AP2A1: variants seen among roughly 807,000 people sequenced by gnomAD.
AP2A1 encodes AP-2 complex subunit alpha-1.
In AP2A1, 21 loss-of-function variants were observed where a neutral mutation model predicts 107.3. The ratio of observed to expected loss-of-function variants is 0.20; its 90% CI spans 0.14 to 0.28. The LOEUF (loss-of-function observed/expected upper bound fraction) is 0.28, where lower values mean the gene tolerates loss of function less well. AP2A1 is among the 10% of genes least tolerant of loss of function. The pLI, the probability that AP2A1 is intolerant of heterozygous loss-of-function variation, is 1.00. For missense variants in AP2A1, 873 were observed against 1,307.7 expected, an observed-to-expected ratio of 0.67 and a Z score of 5.13; for synonymous variants, 602 against 564.8, an observed-to-expected ratio of 1.07 and a Z score of -0.93.
intron 18 of AP2A1, 76 bp downstream of exon 18, chr19:49,803,452 A>G (rs1282203829): frequency 1.7e-6 from 2 of 1,192,514 alleles, no homozygotes; most frequent in Admixed American, 1.8e-5. Context: ...CGGCTGACCC[A>G]GGTCCACACT....
At position 49,795,662 on chromosome 19, in the gene AP2A1, C is replaced by A; in HGVS notation, c.738C>A (p.Asp246Glu). ...CCTCTGCCTCCACCGACCTCCAGGA[C>A]TACACCTACTACTTCGTCCCAGCAC... ...IVSSASTDLQ[D>E]YTYYFVPAPW... The change falls in exon 7 of 23, where the codon GAC becomes GAA. Residue 246 changes from aspartate (D) to glutamate (E), a missense_variant. Asp to Glu is a conservative substitution (Grantham distance 45). This residue lies in a region of AP2A1 where 157 missense variants were observed against 212.6 expected (regional missense o/e 0.74). Transcript: ENST00000354293. The A allele has an allele frequency of 6.4e-7, 1 of 1,573,528 alleles. No individual in the cohort carries two copies. Among genetic ancestry groups the A allele is most frequent in the Non-Finnish European group, 8.6e-7 (1 of 1,160,236 alleles).
intron 1 of AP2A1, among the ~76,000 whole-genome samples, chr19:49,776,973 T>C (rs1296313079): frequency 3.3e-5 from 5 of 152,044 alleles, no homozygotes; most frequent in African/African-American, 1.2e-4. Flanking sequence ...CCTGTAATCC[T>C]AGCACTTTAC....
chr19:49,803,221 G>T (rs1178571058), intron 17 of AP2A1, 32 bp downstream of exon 17: 10 of 1,613,694 alleles, frequency 6.2e-6, no homozygotes, highest in Non-Finnish European at 8.5e-6. Flanking sequence ...GAATGGGTCG[G>T]AGGGAGACCT....
At chr19:49,778,542 C>T (rs1035016141) in intron 1 of AP2A1, among the ~76,000 whole-genome samples, 1 of 152,108 alleles carries the variant, frequency 6.6e-6, no homozygotes, top group Non-Finnish European at 1.5e-5. Flanking sequence ...GAGATCACGC[C>T]ATTGCTCTCC....
At chr19:49,779,012 A>G (rs1406047572) in intron 1 of AP2A1, among the ~76,000 whole-genome samples, 7 of 149,288 alleles carry the variant, frequency 4.7e-5, no homozygotes, top group Non-Finnish European at 3.0e-5. Flanking sequence ...CCTGGGCAAC[A>G]TAGTAAGACC....
chr19:49,772,746 C>G (rs573009627), intron 1 of AP2A1, among the ~76,000 whole-genome samples: 2 of 150,482 alleles, frequency 1.3e-5, no homozygotes. Context: ...GTGATCCGCC[C>G]GTCTCGGCCT....
At chr19:49,779,684 C>T (rs983574366) in intron 1 of AP2A1, among the ~76,000 whole-genome samples, 1 of 152,222 alleles carries the variant, frequency 6.6e-6, no homozygotes, top group Non-Finnish European at 1.5e-5. Flanking sequence ...AAGCCATCCT[C>T]CTGCCTCACA....
chr19:49,804,782 A>G (rs910355112), intron 18 of AP2A1: 3 of 152,210 alleles, frequency 2.0e-5, no homozygotes, highest in African/African-American at 7.2e-5. Context: ...AGGCCTCGCT[A>G]TGTTGCCCAG....
intron 19 of AP2A1, 22 bp downstream of exon 19, chr19:49,805,598 C>T: frequency 1.3e-6 from 2 of 1,561,054 alleles, no homozygotes; most frequent in Non-Finnish European, 1.7e-6. Flanking sequence ...ACGGCGCGGC[C>T]GGTGGGCGGA....
At chr19:49,782,821 C>T (rs888295760) in intron 4 of AP2A1, 97 bp downstream of exon 4, 4 of 1,371,320 alleles carry the variant, frequency 2.9e-6, no homozygotes, top group Middle Eastern at 2.3e-4. Context: ...TGCCCAAGGT[C>T]TCCCAGCCGA....
rs570393920 is a variant in AP2A1, at chr19:49,775,180, A to G, written c.68-6577A>G. On this transcript the variant is annotated intron_variant, in intron 1 of 22. Coordinates refer to ENST00000354293, the MANE Select transcript of AP2A1 (RefSeq NM_130787.3). Reference sequence around the variant, plus strand: ...GAGGTCGAGGTTGCAATGAGTCAAGATCGCACCACCACACTCCAGCCTGGA... The same window carrying G: ...GAGGTCGAGGTTGCAATGAGTCAAGGTCGCACCACCACACTCCAGCCTGGA... 1.6e-3 allele frequency among the ~76,000 whole-genome samples: 244 copies of G among 152,278 alleles called. 2 individuals carry two copies. The highest frequency in any genetic ancestry group is 5.6e-3 in the African/African-American group (231 of 41,566).
intron 18 of AP2A1, chr19:49,804,191 G>A (rs542391399): frequency 6.6e-6 from 1 of 152,084 alleles, no homozygotes; most frequent in South Asian, 2.1e-4. Context: ...AGCCGAGATT[G>A]TACCACTACA....
chr19:49,800,322 A>G (rs1047941606), intron 11 of AP2A1, among the ~76,000 whole-genome samples, 172 bp downstream of exon 11: 3 of 152,038 alleles, frequency 2.0e-5, no homozygotes, highest in African/African-American at 7.2e-5. Flanking sequence ...ACCCAGGGCT[A>G]TGGTCTCATG....
chr19:49,774,054 C>A (rs1568573736), intron 1 of AP2A1, among the ~76,000 whole-genome samples: 1 of 152,144 alleles, frequency 6.6e-6, no homozygotes, highest in Non-Finnish European at 1.5e-5. Flanking sequence ...TGGGGTCTGA[C>A]TCAAGTTTTC....
chr19:49,803,042 A>T, intron 16 of AP2A1, 37 bp downstream of exon 16: 1 of 1,613,720 alleles, frequency 6.2e-7, no homozygotes, highest in Non-Finnish European at 8.5e-7. Flanking sequence ...GGAACGGGAC[A>T]GGTGCGGAGC....
At position 49,801,300 on chromosome 19, in the gene AP2A1, G is replaced by T. The variant is rs532940179; in HGVS notation, c.1554-90G>T. On this transcript the variant is annotated intron_variant, in intron 12 of 22. Transcript: ENST00000354293. ...CTCCAGCAGCTTGGGGTCCTGGGAC[G>T]GGTCCATCCTAGGGAGGGGCACCTC... The T allele has an allele frequency of 3.1e-5, 41 of 1,333,368 alleles. No homozygotes were observed. In the South Asian group the frequency reaches 4.8e-4, roughly 16 times the overall value. 82.6% of individuals were successfully genotyped at this position (1,333,368 alleles called of 1,614,324 possible).
At chr19:49,803,722 C>G (rs544081386) in intron 18 of AP2A1, 1 of 381,968 alleles carries the variant, frequency 2.6e-6, no homozygotes, top group Non-Finnish European at 5.0e-6. Context: ...GCCTGCGGGT[C>G]CAGACGCTGA....
intron 1 of AP2A1, among the ~76,000 whole-genome samples, chr19:49,772,406 G>A (rs2084572121): frequency 6.6e-6 from 1 of 151,186 alleles, no homozygotes; most frequent in African/African-American, 2.4e-5. Flanking sequence ...TCAAATTCCT[G>A]GGCTCAAGTG....
chr19:49,767,481 G>C (rs566431596), intron 1 of AP2A1, among the ~76,000 whole-genome samples: 1 of 152,126 alleles, frequency 6.6e-6, no homozygotes, highest in East Asian at 1.9e-4. Context: ...GCATAGAGGT[G>C]TCCCCTGGGA....
Sources: gnomAD v4.1 joint callset for allele counts (sites outside exome capture counted in the v4.1 genomes callset) on GRCh38, gnomAD v4.1.1 for gene constraint, gnomAD v4.1.1 regional missense constraint, MANE v1.5 for transcripts, NCBI Gene and HGNC (gene_info 2026-07-23, HGNC 2026-07-21) for gene names.